Variants in PHACTR2 observed in about 807,000 individuals in gnomAD.
PHACTR2 encodes the protein chromosome 6 open reading frame 56.
Under a neutral mutation model 76.0 loss-of-function variants are expected in PHACTR2, and 30 were observed. The observed-to-expected ratio is 0.39, with a 90% CI of 0.30 to 0.54. The LOEUF is 0.54. PHACTR2 is among the 20% of genes least tolerant of loss of function. PHACTR2 has a pLI of 0.61. For synonymous variants in PHACTR2, 292 were observed against 292.5 expected, an observed-to-expected ratio of 1.00 and a Z score of 0.02; for missense variants, 696 against 781.1, an observed-to-expected ratio of 0.89 and a Z score of 1.30.
intron 1 of PHACTR2, among the ~76,000 whole-genome samples, chr6:143,614,170 C>T (rs975316498): frequency 2.0e-5 from 3 of 152,116 alleles, no homozygotes; most frequent in Non-Finnish European, 4.4e-5. Context: ...TGCAGTGAGC[C>T]GAGACCACGC....
rs753903880 is a variant in PHACTR2 at position 143,783,143 on chromosome 6, G to A, written c.1646-76G>A. Reference sequence around the variant, plus strand: ...CATTATTTGTTAGAGTCACATGATCGTGGCCTGATACACTTTTCTGAATAT... The same window carrying A: ...CATTATTTGTTAGAGTCACATGATCATGGCCTGATACACTTTTCTGAATAT... On this transcript the variant is annotated intron_variant, in intron 9 of 12. Coordinates refer to ENST00000440869, the MANE Select transcript of PHACTR2 (RefSeq NM_001100164.2). The surrounding 1 kb of genome is among the most constrained non-coding windows in gnomAD (Gnocchi z 5.2). 145 of 812,882 alleles carry A rather than the reference G, an allele frequency of 1.8e-4. 1 individual carries two copies. The highest frequency in any genetic ancestry group is 4.6e-4 in the Middle Eastern group (2 of 4,304). 50.4% of individuals were successfully genotyped at this position (812,882 alleles called of 1,614,324 possible). A position where few individuals can be genotyped will look rare whatever the true frequency, so the allele number is the denominator to read the frequency against.
intron 11 of PHACTR2, among the ~76,000 whole-genome samples, chr6:143,804,835 A>G (rs1219679025): frequency 1.3e-5 from 2 of 152,246 alleles, no homozygotes; most frequent in Non-Finnish European, 2.9e-5. Flanking sequence ...AATAAAAGTG[A>G]AAGAATTGTG....
Position 143,801,343 on chromosome 6 carries a change from G to A in PHACTR2, c.1846-5714G>A, listed in dbSNP as rs1264245442. 3.3e-5 allele frequency among the ~76,000 whole-genome samples: 5 copies of A among 152,164 alleles called. No homozygotes were observed. Among genetic ancestry groups the A allele is most frequent in the African/African-American group, 4.8e-5 (2 of 41,436 alleles). On this transcript the variant is annotated intron_variant, in intron 11 of 12. Transcript: ENST00000440869. The surrounding 1 kb of genome is among the most constrained non-coding windows in gnomAD (Gnocchi z 4.6). ...TCACTTTCAGGTACACCAATCAAACGTAGATTTGGTCTTTTCACATAGTCT... is the reference window on the plus strand; with the variant it reads ...TCACTTTCAGGTACACCAATCAAACATAGATTTGGTCTTTTCACATAGTCT...
rs1777370366 is a variant in PHACTR2 at position 143,680,634 on chromosome 6, TA to T, written c.46+2426del. On this transcript the variant is annotated intron_variant, in intron 1 of 12. Coordinates refer to ENST00000440869, the MANE Select transcript of PHACTR2 (RefSeq NM_001100164.2). This position sits in a 1 kb window ranked among gnomAD's most constrained non-coding sequence, Gnocchi z 4.5. Reference sequence around the variant, plus strand: ...TCTGAAAATATGCAGTTAGATCCATTATTAAAAAGAACAGCTGTATTGATGT... The same window carrying T: ...TCTGAAAATATGCAGTTAGATCCATTTTAAAAAGAACAGCTGTATTGATGT... Among the ~76,000 whole-genome samples the T allele has an allele frequency of 6.6e-6, 1 of 152,308 alleles. No homozygotes were observed. Among genetic ancestry groups the T allele is most frequent in the African/African-American group, 2.4e-5 (1 of 41,564 alleles).
intron 2 of PHACTR2, among the ~76,000 whole-genome samples, chr6:143,715,720 C>A (rs981386764): frequency 2.6e-5 from 4 of 152,148 alleles, no homozygotes; most frequent in African/African-American, 9.7e-5. Context: ...TGCATTCCAA[C>A]CAAAACAGAT....
chr6:143,802,211 G>C (rs1019868304), intron 11 of PHACTR2, among the ~76,000 whole-genome samples: 1 of 152,058 alleles, frequency 6.6e-6, no homozygotes, highest in Non-Finnish European at 1.5e-5. Flanking sequence ...GAGCTTTGTT[G>C]TTGTTGTTGT....
At chr6:143,699,360 T>A (rs1777847522) in intron 1 of PHACTR2, among the ~76,000 whole-genome samples, 1 of 152,196 alleles carries the variant, frequency 6.6e-6, no homozygotes, top group Admixed American at 6.5e-5. Flanking sequence ...TCACACTTTA[T>A]GAACTTAAAA....
rs138616653 is a variant in PHACTR2 at position 143,601,291 on chromosome 6, G to T, written c.217+64084G>T. 1.7e-3 allele frequency among the ~76,000 whole-genome samples: 258 copies of T among 152,304 alleles called. 3 individuals are homozygous for T. The highest frequency in any genetic ancestry group is 5.3e-3 in the African/African-American group (222 of 41,570). On this transcript the variant is annotated intron_variant, in intron 1 of 11. Coordinates refer to the PHACTR2 transcript ENST00000367584. ...AAAATCAGAATCTTCTGGAAAAAAAGGCCGTCTTGGGATGGCCTTTAGATC... is the reference window on the plus strand; with the variant it reads ...AAAATCAGAATCTTCTGGAAAAAAATGCCGTCTTGGGATGGCCTTTAGATC...
rs1344949095 is a variant in PHACTR2, at chr6:143,793,787, C to T, written c.1845+4877C>T. 1.3e-5 allele frequency among the ~76,000 whole-genome samples: 2 copies of T among 151,874 alleles called. No homozygotes were observed. Among genetic ancestry groups the T allele is most frequent in the South Asian group, 2.1e-4 (1 of 4,808 alleles). ...AAAAAATTAGCCGGGTGTGGTGGCGCGTACCTGTAGTCCCAGCTACTCGGG... is the reference window on the plus strand; with the variant it reads ...AAAAAATTAGCCGGGTGTGGTGGCGTGTACCTGTAGTCCCAGCTACTCGGG... On this transcript the variant is annotated intron_variant, in intron 11 of 12. Coordinates refer to ENST00000440869, the MANE Select transcript of PHACTR2 (RefSeq NM_001100164.2). The surrounding 1 kb of genome is among the most constrained non-coding windows in gnomAD (Gnocchi z 4.4).
rs1778761307 is a variant in PHACTR2 at position 143,733,892 on chromosome 6, A to G, written c.215-15093A>G. Among the ~76,000 whole-genome samples the G allele has an allele frequency of 1.3e-5, 2 of 152,338 alleles. No individual in the cohort carries two copies. The highest frequency in any genetic ancestry group is 4.1e-4 in the South Asian group (2 of 4,828). The stretch of plus-strand genomic sequence containing the variant: ...ATATTATATAATAATTTTATTACGT[A>G]TGCTTTTAAAAAATATCGTCTATTA... On this transcript the variant is annotated intron_variant, in intron 2 of 12. Coordinates refer to ENST00000440869, the MANE Select transcript of PHACTR2 (RefSeq NM_001100164.2). This position sits in a 1 kb window ranked among gnomAD's most constrained non-coding sequence, Gnocchi z 4.0.
At position 143,722,226 on chromosome 6, in the gene PHACTR2, G is replaced by T. The variant is rs1022928545; in HGVS notation, c.214+10043G>T. 3.9e-5 allele frequency among the ~76,000 whole-genome samples: 6 copies of T among 151,942 alleles called. No homozygotes were observed. On this transcript the variant is annotated intron_variant, in intron 2 of 12. Transcript: ENST00000440869. This position sits in a 1 kb window ranked among gnomAD's most constrained non-coding sequence, Gnocchi z 4.1. ...ATTTTTTTATAACAATATATTTTCT[G>T]TTCTTTCTCTGTACCCTCATGTGGA...
chr6:143,767,495 T>G lies in PHACTR2; in HGVS notation c.1232+1697T>G, dbSNP rs530278685. On this transcript the variant is annotated intron_variant, in intron 6 of 12. Transcript: ENST00000440869. This position sits in a 1 kb window ranked among gnomAD's most constrained non-coding sequence, Gnocchi z 4.4. ...TAATAAAAGATATGGGAAAAGAAGATTTATTGAAATGAACGGTTATGGTGT... is the reference window on the plus strand; with the variant it reads ...TAATAAAAGATATGGGAAAAGAAGAGTTATTGAAATGAACGGTTATGGTGT... Among the ~76,000 whole-genome samples, 1 of 152,334 alleles carries G rather than the reference T, an allele frequency of 6.6e-6. No individual in the cohort carries two copies. Among genetic ancestry groups the G allele is most frequent in the Non-Finnish European group, 1.5e-5 (1 of 68,012 alleles).
rs1777468683 is a variant in PHACTR2 at position 143,684,470 on chromosome 6, G to A, written c.46+6261G>A. ...CCTACTGCCACTATCCAAGCTCTGA[G>A]GCCATCCATTACATGGACAACTATA... On this transcript the variant is annotated intron_variant, in intron 1 of 12. Transcript: ENST00000440869. The surrounding 1 kb of genome is among the most constrained non-coding windows in gnomAD (Gnocchi z 4.3). 6.6e-6 allele frequency among the ~76,000 whole-genome samples: 1 copy of A among 152,144 alleles called. No individual in the cohort carries two copies. The highest frequency in any genetic ancestry group is 1.5e-5 in the Non-Finnish European group (1 of 68,034).
rs573021337 is a variant in PHACTR2 at position 143,539,237 on chromosome 6, G to A, written c.217+2030G>A. Among the ~76,000 whole-genome samples the A allele has an allele frequency of 2.1e-4, 32 of 152,246 alleles. No individual in the cohort carries two copies. Among genetic ancestry groups the A allele is most frequent in the African/African-American group, 7.5e-4 (31 of 41,536 alleles). On this transcript the variant is annotated intron_variant, in intron 1 of 11. Transcript: ENST00000367584. The surrounding 1 kb of genome is among the most constrained non-coding windows in gnomAD (Gnocchi z 4.3). Reference sequence around the variant, plus strand: ...TTTGTCTTTTCTGTGTCCTCTTAACGGATGCTAGGAAGTGAAACCTTTCAG... The same window carrying A: ...TTTGTCTTTTCTGTGTCCTCTTAACAGATGCTAGGAAGTGAAACCTTTCAG...
At chr6:143,808,619 A>G (rs193128660) in intron 12 of PHACTR2, among the ~76,000 whole-genome samples, 1 of 152,166 alleles carries the variant, frequency 6.6e-6, no homozygotes, top group Non-Finnish European at 1.5e-5. Flanking sequence ...ACCATTTTCT[A>G]TCAGGGACTT....
Position 143,537,705 on chromosome 6 carries a change from G to A in PHACTR2, c.217+498G>A, listed in dbSNP as rs181596638. Among the ~76,000 whole-genome samples, 23 of 152,288 alleles carry A rather than the reference G, an allele frequency of 1.5e-4. No homozygotes were observed. Among genetic ancestry groups the A allele is most frequent in the Admixed American group, 6.5e-4 (10 of 15,306 alleles). ...GCCTTTTGCGGGTTGCTGGTAAGAG[G>A]ACCCGGGATATGAGTTTTTCCTCCT... On this transcript the variant is annotated intron_variant, in intron 1 of 11. Transcript: ENST00000367584. The surrounding 1 kb of genome is among the most constrained non-coding windows in gnomAD (Gnocchi z 4.4).
Position 143,765,329 on chromosome 6 carries a change from T to A in PHACTR2, c.763T>A (p.Ser255Thr). The A allele has an allele frequency of 6.2e-7, 1 of 1,614,150 alleles. No individual in the cohort carries two copies. Among genetic ancestry groups the A allele is most frequent in the Non-Finnish European group, 8.5e-7 (1 of 1,180,026 alleles). ...AGCTTCGCCATCCACTTCATCCACC[T>A]CATCTCGTCCCAAAGCTTCAAAGGA... ...ASASPSTSST[S>T]SRPKASKETV... Residue 255 changes from serine to threonine, a missense_variant, in exon 6 of 13, where the codon TCA becomes ACA. This residue lies in a region of PHACTR2 where 460 missense variants were observed against 450.9 expected (regional missense o/e 1.02). Coordinates refer to ENST00000440869, the MANE Select transcript of PHACTR2 (RefSeq NM_001100164.2). This position sits in a 1 kb window ranked among gnomAD's most constrained non-coding sequence, Gnocchi z 4.1.
Position 143,589,712 on chromosome 6 carries a change from C to A in PHACTR2, c.217+52505C>A, listed in dbSNP as rs768064016. ...TTAATACCATCATCTCTTTTAAAGGCCCTATCTCCAAATACAGTCACATTT... is the reference window on the plus strand; with the variant it reads ...TTAATACCATCATCTCTTTTAAAGGACCTATCTCCAAATACAGTCACATTT... On this transcript the variant is annotated intron_variant, in intron 1 of 11. Coordinates refer to the PHACTR2 transcript ENST00000367584. This position sits in a 1 kb window ranked among gnomAD's most constrained non-coding sequence, Gnocchi z 4.4. 6.6e-6 allele frequency among the ~76,000 whole-genome samples: 1 copy of A among 152,140 alleles called. No individual in the cohort carries two copies. The highest frequency in any genetic ancestry group is 6.6e-5 in the Admixed American group (1 of 15,256).
intron 11 of PHACTR2, among the ~76,000 whole-genome samples, chr6:143,790,840 T>A (rs536662117): frequency 1.8e-4 from 27 of 152,092 alleles, no homozygotes; most frequent in Admixed American, 3.3e-4. Flanking sequence ...CGCCCAGCTA[T>A]TTTTTACAAA....
Sources: gnomAD v4.1 joint callset for allele counts (sites outside exome capture counted in the v4.1 genomes callset) on GRCh38, gnomAD v4.1.1 for gene constraint, gnomAD v4.1.1 regional missense constraint, Gnocchi (gnomAD v3.1) non-coding constraint, MANE v1.5 for transcripts, NCBI Gene and HGNC (gene_info 2026-07-23, HGNC 2026-07-21) for gene names.